SH3BGRL3: variants seen among roughly 807,000 people sequenced by gnomAD.
The protein encoded by SH3BGRL3 is SH3 domain binding glutamate rich protein like 3.
Under a neutral mutation model 11.9 loss-of-function variants are expected in SH3BGRL3, and 8 were observed. The ratio of observed to expected loss-of-function variants is 0.67; its 90% CI spans 0.40 to 1.22. SH3BGRL3 has a LOEUF of 1.22. SH3BGRL3 is among the 50% of genes most tolerant of loss of function. The probability of loss-of-function intolerance (pLI) is 0.01; values close to 1 mark genes in which losing one functional copy is unlikely to be tolerated. For synonymous variants in SH3BGRL3, 55 were observed against 52.3 expected, an observed-to-expected ratio of 1.05 and a Z score of -0.22; for missense variants, 119 against 120.1, an observed-to-expected ratio of 0.99 and a Z score of 0.04.
At position 26,281,341 on chromosome 1, in the gene SH3BGRL3, G is replaced by C. The variant is rs931375646; in HGVS notation, c.*218G>C. 1 of 503,506 alleles carries C rather than the reference G, an allele frequency of 2.0e-6. No individual in the cohort carries two copies. Among genetic ancestry groups the C allele is most frequent in the African/African-American group, 1.9e-5 (1 of 52,310 alleles). The allele number at this position is 503,506 out of a possible 1,614,324, so 31.2% of individuals were successfully genotyped here. ...TCCTTACCCATTAGTCTCAGAAATT[G>C]TCTTAAGCAACAGCCCCAAATGCTG... On this transcript the variant is annotated 3_prime_UTR_variant, in exon 3 of 3. Transcript: ENST00000270792.
rs774096724 is a variant in SH3BGRL3, at chr1:26,280,938, G to A, written c.216+6G>A. The A allele has an allele frequency of 1.9e-6, 3 of 1,609,382 alleles. No individual in the cohort carries two copies. The highest frequency in any genetic ancestry group is 2.2e-5 in the South Asian group (2 of 90,934). On this transcript the variant is annotated splice_donor_region_variant and intron_variant, in intron 2 of 2. Coordinates refer to ENST00000270792, the MANE Select transcript of SH3BGRL3 (RefSeq NM_031286.4). ...ACGGGGACCAGTACTGTGGGGTATG[G>A]GCTGGGGGACGGGGGGGTGGGGGGA...
chr1:26,280,657 G>T, intron 1 of SH3BGRL3, 108 bp from the exon 2 acceptor site: 1 of 1,344,780 alleles, frequency 7.4e-7, no homozygotes. Flanking sequence ...GTGTGGAGGG[G>T]AATGGGGGGA....
chr1:26,280,865 T>C lies in SH3BGRL3; in HGVS notation c.149T>C (p.Met50Thr), dbSNP rs749562966. 1 of 1,591,810 alleles carries C rather than the reference T, an allele frequency of 6.3e-7. No homozygotes were observed. The highest frequency in any genetic ancestry group is 1.1e-5 in the South Asian group (1 of 90,568). The change falls in exon 2 of 3, where the codon ATG becomes ACG. Residue 50 changes from methionine (M) to threonine (T), a missense_variant. Coordinates refer to ENST00000270792, the MANE Select transcript of SH3BGRL3 (RefSeq NM_031286.4). ...CAGGACAACGCCCTGAGGGATGAGA[T>C]GCGAGCCTTGGCAGGCAACCCCAAG... is the stretch of plus-strand genomic sequence containing the variant. ...ISQDNALRDE[M>T]RALAGNPKAT...
rs548723968 is a variant in SH3BGRL3 at position 26,280,332 on chromosome 1, G to C, written c.48+129G>C. 8.7e-6 allele frequency: 10 copies of C among 1,147,074 alleles called. No individual in the cohort carries two copies. The African/African-American group carries it at 1.5e-4, about 17-fold the overall frequency. 71.1% of individuals were successfully genotyped at this position (1,147,074 alleles called of 1,614,324 possible). A position where few individuals can be genotyped will look rare whatever the true frequency, so the allele number is the denominator to read the frequency against. On this transcript the variant is annotated intron_variant, in intron 1 of 2. Transcript: ENST00000270792. The stretch of plus-strand genomic sequence containing the variant: ...GGGGAGTGCGTCGGCGAGGTGCTGG[G>C]CACGGTCTCCCGGACCCGGTCCCGA...
At chr1:26,280,314 G>GTTGGAAGAGGA in intron 1 of SH3BGRL3, 111 bp downstream of exon 1, 16 of 1,290,604 alleles carry the variant, frequency 1.2e-5, no homozygotes, top group South Asian at 6.4e-5. Context: ...TGGGGGGAGT[G>GTTGGAAGAGGA]CGTCGGCGAG....
Position 26,281,041 on chromosome 1 carries a change from C to T in SH3BGRL3, c.217-17C>T, listed in dbSNP as rs754288346. On this transcript the variant is annotated splice_polypyrimidine_tract_variant and intron_variant, in intron 2 of 2. Transcript: ENST00000270792. ...CCCCTGCATTCAGGTGACCACCCCT[C>T]GCCTCCCCTTCTCCAGGACTATGAG... 6.8e-6 allele frequency: 11 copies of T among 1,613,400 alleles called. No individual in the cohort carries two copies. Among genetic ancestry groups the T allele is most frequent in the Middle Eastern group, 1.7e-4 (1 of 6,058 alleles).
In SH3BGRL3 at chr1:26,280,164, C is replaced by T. The variant is rs542673263; in HGVS notation, c.9C>T (p.Gly3=). 49 of 1,565,524 alleles carry T rather than the reference C, an allele frequency of 3.1e-5. No individual in the cohort carries two copies. In the East Asian group the frequency reaches 1.1e-3, roughly 36 times the overall value. Residue 3 remains glycine, a synonymous_variant, in exon 1 of 3, where the codon GGC becomes GGT. Coordinates refer to ENST00000270792, the MANE Select transcript of SH3BGRL3 (RefSeq NM_031286.4). The part of the protein sequence containing the change: MS[G]LRVYSTSVTG... The stretch of plus-strand genomic sequence containing the variant: ...GTCTGTCTACCCCCAGCATGAGCGG[C>T]CTGCGCGTCTACAGCACGTCGGTCA...
intron 1 of SH3BGRL3, among the ~76,000 whole-genome samples, chr1:26,280,473 G>C (rs1178785877): frequency 6.6e-6 from 1 of 151,908 alleles, no homozygotes; most frequent in Non-Finnish European, 1.5e-5. Context: ...CCACTACCGG[G>C]CTGACCCTGA....
chr1:26,280,181 CGTCGGTCA>C lies in SH3BGRL3; in HGVS notation c.27_34del (p.Ser10ArgfsTer37). 1 of 1,556,660 alleles carries C rather than the reference CGTCGGTCA, an allele frequency of 6.4e-7. No homozygotes were observed. Reference sequence around the variant, plus strand: ...ATGAGCGGCCTGCGCGTCTACAGCACGTCGGTCACCGGCTCCCGCGAAGTAAGTGCGCG... The same window carrying C: ...ATGAGCGGCCTGCGCGTCTACAGCACCCGGCTCCCGCGAAGTAAGTGCGCG... On this transcript the variant is annotated frameshift_variant, in exon 1 of 3. Coordinates refer to ENST00000270792, the MANE Select transcript of SH3BGRL3 (RefSeq NM_031286.4). LOFTEE classifies it high-confidence loss of function.
At position 26,281,141 on chromosome 1, in the gene SH3BGRL3, T is replaced by C. The variant is rs116476745; in HGVS notation, c.*18T>C. 8.7e-4 allele frequency: 1,397 copies of C among 1,611,358 alleles called. 13 individuals carry two copies. The African/African-American group carries it at 0.017, about 20-fold the overall frequency. The stretch of plus-strand genomic sequence containing the variant: ...TGGCTTGAGTCAAGCCTGTCCAGAG[T>C]TCCCCTGCTGGACTCCATCACCACA... On this transcript the variant is annotated 3_prime_UTR_variant, in exon 3 of 3. Transcript: ENST00000270792.
At chr1:26,280,230 G>C in intron 1 of SH3BGRL3, 27 bp downstream of exon 1, 2 of 1,500,690 alleles carry the variant, frequency 1.3e-6, no homozygotes, top group Non-Finnish European at 8.9e-7. Context: ...ACTGGCGCTG[G>C]GGGAAAGCGC....
chr1:26,280,951 GGGGGT>G lies in SH3BGRL3; in HGVS notation c.216+24_216+28del. Reference sequence around the variant, plus strand: ...CTGTGGGGTATGGGCTGGGGGACGGGGGGGTGGGGGGAGTGTTGGAAGAGGACTCT... The same window carrying G: ...CTGTGGGGTATGGGCTGGGGGACGGGGGGGGGAGTGTTGGAAGAGGACTCT... On this transcript the variant is annotated intron_variant, in intron 2 of 2. Transcript: ENST00000270792. 6.3e-7 allele frequency: 1 copy of G among 1,597,408 alleles called. No individual in the cohort carries two copies. The highest frequency in any genetic ancestry group is 8.6e-7 in the Non-Finnish European group (1 of 1,167,448).
At chr1:26,280,226 G>A (rs1471996846) in intron 1 of SH3BGRL3, 23 bp downstream of exon 1, 47 of 1,504,748 alleles carry the variant, frequency 3.1e-5, no homozygotes, top group Non-Finnish European at 4.0e-5. Flanking sequence ...CCGGACTGGC[G>A]CTGGGGGAAA....
Position 26,280,948 on chromosome 1 carries a change from CG to C in SH3BGRL3, c.216+23del, listed in dbSNP as rs371209834. On this transcript the variant is annotated intron_variant, in intron 2 of 2. Coordinates refer to ENST00000270792, the MANE Select transcript of SH3BGRL3 (RefSeq NM_031286.4). Reference sequence around the variant, plus strand: ...GTACTGTGGGGTATGGGCTGGGGGACGGGGGGGTGGGGGGAGTGTTGGAAGA... The same window carrying C: ...GTACTGTGGGGTATGGGCTGGGGGACGGGGGGTGGGGGGAGTGTTGGAAGA... 9.1e-5 allele frequency: 62 copies of C among 685,010 alleles called. No homozygotes were observed. Among genetic ancestry groups the C allele is most frequent in the Non-Finnish European group, 1.2e-4 (49 of 408,090 alleles). The allele number at this position is 685,010 out of a possible 1,614,324, so 42.4% of individuals were successfully genotyped here.
intron 2 of SH3BGRL3, 33 bp from the exon 3 acceptor site, chr1:26,281,025 T>C: frequency 6.2e-7 from 1 of 1,612,352 alleles, no homozygotes; most frequent in South Asian, 1.1e-5. Flanking sequence ...CCCCCTGCAT[T>C]CAGGTGACCA....
Position 26,280,159 on chromosome 1 carries a change from A to G in SH3BGRL3, c.4A>G (p.Ser2Gly), listed in dbSNP as rs2072947958. 2 of 1,566,358 alleles carry G rather than the reference A, an allele frequency of 1.3e-6. No individual in the cohort carries two copies. Among genetic ancestry groups the G allele is most frequent in the African/African-American group, 2.7e-5 (2 of 72,854 alleles). The change falls in exon 1 of 3, where the codon AGC becomes GGC. Residue 2 changes from serine to glycine, a missense_variant. Ser to Gly is a moderately conservative substitution (Grantham distance 56). Coordinates refer to ENST00000270792, the MANE Select transcript of SH3BGRL3 (RefSeq NM_031286.4). M[S>G]GLRVYSTSVT... Reference sequence around the variant, plus strand: ...GGCCCGTCTGTCTACCCCCAGCATGAGCGGCCTGCGCGTCTACAGCACGTC... The same window carrying G: ...GGCCCGTCTGTCTACCCCCAGCATGGGCGGCCTGCGCGTCTACAGCACGTC...
chr1:26,280,948 C>CGG lies in SH3BGRL3; in HGVS notation c.216+22_216+23dup, dbSNP rs371209834. The CGG allele has an allele frequency of 6.1e-5, 42 of 685,530 alleles. No individual in the cohort carries two copies. In the African/African-American group the frequency reaches 7.6e-4, roughly 12 times the overall value. The allele number at this position is 685,530 out of a possible 1,614,324, so 42.5% of individuals were successfully genotyped here. A position where few individuals can be genotyped will look rare whatever the true frequency, so the allele number is the denominator to read the frequency against. Reference sequence around the variant, plus strand: ...GTACTGTGGGGTATGGGCTGGGGGACGGGGGGGTGGGGGGAGTGTTGGAAG... The same window carrying CGG: ...GTACTGTGGGGTATGGGCTGGGGGACGGGGGGGGGTGGGGGGAGTGTTGGAAG... On this transcript the variant is annotated intron_variant, in intron 2 of 2. Transcript: ENST00000270792.
In SH3BGRL3 at chr1:26,281,174, C is replaced by A. The variant is rs371664523; in HGVS notation, c.*51C>A. On this transcript the variant is annotated 3_prime_UTR_variant, in exon 3 of 3. Coordinates refer to ENST00000270792, the MANE Select transcript of SH3BGRL3 (RefSeq NM_031286.4). ...CTGGACTCCATCACCACACTCCCCCCAGCCTTCACCTGGCCATGAAGGACC... is the reference window on the plus strand; with the variant it reads ...CTGGACTCCATCACCACACTCCCCCAAGCCTTCACCTGGCCATGAAGGACC... 6 of 1,569,028 alleles carry A rather than the reference C, an allele frequency of 3.8e-6. No homozygotes were observed. The highest frequency in any genetic ancestry group is 3.4e-5 in the South Asian group (3 of 87,756).
chr1:26,280,308 G>A (rs1163336306), intron 1 of SH3BGRL3, 105 bp downstream of exon 1: 2 of 1,334,756 alleles, frequency 1.5e-6, no homozygotes, highest in Admixed American at 3.3e-5. Flanking sequence ...GCGGGGTGGG[G>A]GGAGTGCGTC....
Sources: allele counts gnomAD v4.1 joint callset (sites outside exome capture counted in the v4.1 genomes callset), GRCh38; gene constraint gnomAD v4.1.1; transcripts MANE v1.5; gene names NCBI Gene and HGNC (gene_info 2026-07-23, HGNC 2026-07-21).